ME1: variants seen among roughly 807,000 people sequenced by gnomAD.
The protein encoded by ME1 is malic enzyme 1.
In ME1, 74 loss-of-function variants were observed where a neutral mutation model predicts 66.4. The ratio of observed to expected loss-of-function variants is 1.11; its 90% confidence interval spans 0.92 to 1.35. ME1 has a LOEUF of 1.35. Ranked by LOEUF, ME1 falls within the 40% of genes most tolerant of loss-of-function variation. The pLI is 0.00. For missense variants in ME1, 750 were observed against 694.1 expected (o/e 1.08, Z -0.90); for synonymous variants, 251 against 235.6 (o/e 1.07, Z -0.60).
At chr6:83,409,458 G>T (rs567805065) in intron 1 of ME1, among the ~76,000 whole-genome samples, 2 of 152,330 alleles carry the variant, frequency 1.3e-5, no homozygotes, top group African/African-American at 4.8e-5. Flanking sequence ...CATCCCACAG[G>T]GAGGTGACAA....
intron 6 of ME1, among the ~76,000 whole-genome samples, chr6:83,290,121 A>C (rs1211375743): frequency 1.3e-5 from 2 of 151,222 alleles, no homozygotes; most frequent in Non-Finnish European, 2.9e-5. Context: ...TTGTGTCTCT[A>C]TCTCCTTCAG....
At chr6:83,312,845 C>A (rs1211506854) in intron 6 of ME1, among the ~76,000 whole-genome samples, 1 of 152,092 alleles carries the variant, frequency 6.6e-6, no homozygotes, top group Non-Finnish European at 1.5e-5. Flanking sequence ...ACCTCCGCCT[C>A]CCAGGTTCAG....
At chr6:83,294,833 G>A (rs557035662) in intron 6 of ME1, among the ~76,000 whole-genome samples, 111 of 152,236 alleles carry the variant, frequency 7.3e-4, no homozygotes, top group African/African-American at 2.5e-3. Context: ...AGATTGCAGC[G>A]CCACATCTCT....
intron 6 of ME1, among the ~76,000 whole-genome samples, chr6:83,262,232 A>G (rs1274570954): frequency 6.6e-6 from 1 of 152,108 alleles, no homozygotes; most frequent in East Asian, 1.9e-4. Context: ...ATGGCCTCTG[A>G]GCTGAAGGCA....
rs1208296716 is a variant in ME1, at chr6:83,243,499, T to C, written c.815-3863A>G. On this transcript the variant is annotated intron_variant, in intron 7 of 13. Coordinates refer to ENST00000369705, the MANE Select transcript of ME1 (RefSeq NM_002395.6). ...ATAATCTATTATAATTATGTTATAT[T>C]GATATAATCTATTATAATTATATTA... 9.0e-4 allele frequency among the ~76,000 whole-genome samples: 116 copies of C among 129,088 alleles called. 1 individual carries two copies. The highest frequency in any genetic ancestry group is 1.9e-3 in the African/African-American group (62 of 32,562). 84.7% of individuals were successfully genotyped at this position (129,088 alleles called of 152,430 possible).
At chr6:83,416,894 A>T (rs1230620942) in intron 1 of ME1, among the ~76,000 whole-genome samples, 2 of 78,304 alleles carry the variant, frequency 2.6e-5, no homozygotes, top group African/African-American at 3.9e-5. Context: ...AGATTTGTCT[A>T]AAAAAAAAAA....
chr6:83,348,804 A>C lies in ME1; in HGVS notation c.439-2470T>G, dbSNP rs773717886. ...GGAGTTCAAGACCAGCCTGACCAAC[A>C]TGGCAAAACCCCGTTTCTACTAAAA... On this transcript the variant is annotated intron_variant, in intron 4 of 13. Coordinates refer to ENST00000369705, the MANE Select transcript of ME1 (RefSeq NM_002395.6). Among the ~76,000 whole-genome samples the C allele has an allele frequency of 5.1e-4, 78 of 151,788 alleles. 2 individuals are homozygous for C. The highest frequency in any genetic ancestry group is 5.6e-4 in the Non-Finnish European group (38 of 67,946).
intron 4 of ME1, among the ~76,000 whole-genome samples, chr6:83,348,984 CA>C (rs71545855): frequency 9.7e-4 from 46 of 47,200 alleles, no homozygotes; most frequent in South Asian, 9.1e-3. Flanking sequence ...AACTCTGTCT[CA>C]AAAAAAAAAA....
intron 5 of ME1, among the ~76,000 whole-genome samples, chr6:83,340,355 A>AT (rs1413021945): frequency 1.3e-5 from 2 of 152,204 alleles, no homozygotes; most frequent in Non-Finnish European, 2.9e-5. Flanking sequence ...AATGCCTCTA[A>AT]TATATCACCA....
intron 5 of ME1, among the ~76,000 whole-genome samples, chr6:83,331,860 T>A (rs1454872428): frequency 6.6e-6 from 1 of 152,062 alleles, no homozygotes; most frequent in Admixed American, 6.6e-5. Flanking sequence ...CTTTAAGACA[T>A]AATAATGTCC....
intron 6 of ME1, among the ~76,000 whole-genome samples, chr6:83,263,536 T>C (rs1766933815): frequency 1.3e-5 from 2 of 151,996 alleles, no homozygotes; most frequent in African/African-American, 4.8e-5. Flanking sequence ...GCAAAAAAAG[T>C]CTTTTTTTGG....
intron 6 of ME1, among the ~76,000 whole-genome samples, chr6:83,278,508 C>T (rs1447033432): frequency 6.6e-6 from 1 of 152,210 alleles, no homozygotes; most frequent in African/African-American, 2.4e-5. Context: ...GGGGCACAGT[C>T]ATAGCTCACT....
chr6:83,304,789 G>T (rs1435283728), intron 6 of ME1, among the ~76,000 whole-genome samples: 1 of 152,138 alleles, frequency 6.6e-6, no homozygotes, highest in African/African-American at 2.4e-5. Context: ...CAACAGGAAT[G>T]ATTATTTTGT....
intron 1 of ME1, among the ~76,000 whole-genome samples, chr6:83,419,716 T>G (rs1471675816): frequency 6.6e-6 from 1 of 152,216 alleles, no homozygotes; most frequent in Admixed American, 6.5e-5. Flanking sequence ...TTCAAGAATA[T>G]TACATTCATA....
At chr6:83,351,663 C>A (rs1768805318) in intron 4 of ME1, among the ~76,000 whole-genome samples, 1 of 152,102 alleles carries the variant, frequency 6.6e-6, no homozygotes, top group African/African-American at 2.4e-5. Flanking sequence ...AGAGGTAAGT[C>A]AAATGAACTA....
intron 6 of ME1, among the ~76,000 whole-genome samples, chr6:83,263,486 C>G (rs1044950083): frequency 6.6e-6 from 1 of 152,070 alleles, no homozygotes; most frequent in Non-Finnish European, 1.5e-5. Flanking sequence ...TTGAAGTAAA[C>G]TAAAAGTGCT....
chr6:83,414,796 T>A (rs975080335), intron 1 of ME1, among the ~76,000 whole-genome samples: 1 of 152,176 alleles, frequency 6.6e-6, no homozygotes, highest in Non-Finnish European at 1.5e-5. Context: ...TCTCTTGAAA[T>A]CATTGAAATC....
At chr6:83,393,206 C>G in intron 3 of ME1, 1 of 1,184,834 alleles carries the variant, frequency 8.4e-7, no homozygotes, top group Non-Finnish European at 1.3e-6. Flanking sequence ...CGTCAGAGGA[C>G]CCCCTCAAAG....
At chr6:83,314,173 G>A (rs952868740) in intron 6 of ME1, among the ~76,000 whole-genome samples, 2 of 151,964 alleles carry the variant, frequency 1.3e-5, no homozygotes, top group African/African-American at 4.8e-5. Flanking sequence ...ATTATGGTGG[G>A]AGTCTCTTTT....
Sources: allele counts gnomAD v4.1 joint callset (sites outside exome capture counted in the v4.1 genomes callset), GRCh38; gene constraint gnomAD v4.1.1; transcripts MANE v1.5; gene names NCBI Gene and HGNC (gene_info 2026-07-23, HGNC 2026-07-21).